SRGAP3: variants seen among roughly 807,000 people sequenced by gnomAD.
SRGAP3 encodes the protein SLIT-ROBO Rho GTPase-activating protein 3.
Under a neutral mutation model 121.1 loss-of-function variants are expected in SRGAP3, and 39 were observed. The ratio of observed to expected loss-of-function variants is 0.32; its 90% CI spans 0.25 to 0.42. The LOEUF is 0.42. SRGAP3 is among the 10% of genes least tolerant of loss of function. The pLI is 1.00. For synonymous variants in SRGAP3, 601 were observed against 570.0 expected, an observed-to-expected ratio of 1.05 and a Z score of -0.77; for missense variants, 1,213 against 1,470.6, an observed-to-expected ratio of 0.82 and a Z score of 2.86.
In SRGAP3 at chr3:8,982,856, G is replaced by T. The variant is rs540472436; in HGVS notation, c.*2663C>A. 4 of 221,562 alleles carry T rather than the reference G, an allele frequency of 1.8e-5. No homozygotes were observed. The highest frequency in any genetic ancestry group is 1.7e-4 in the Admixed American group (3 of 17,162). 13.7% of individuals were successfully genotyped at this position (221,562 alleles called of 1,614,324 possible). On this transcript the variant is annotated 3_prime_UTR_variant, in exon 22 of 22. Coordinates refer to ENST00000383836, the MANE Select transcript of SRGAP3 (RefSeq NM_014850.4). ...TTTCCCAATGGAAAAAAAAAAAAAAGGTGCTTAAAGAAAACAGCTAAGACT... is the reference window on the plus strand; with the variant it reads ...TTTCCCAATGGAAAAAAAAAAAAAATGTGCTTAAAGAAAACAGCTAAGACT...
At chr3:9,296,408 CA>C (rs1954955594) in intron 3 of SRGAP3, among the ~76,000 whole-genome samples, 1 of 152,206 alleles carries the variant, frequency 6.6e-6, no homozygotes, top group African/African-American at 2.4e-5. Flanking sequence ...AACATCTTTT[CA>C]TGTGCTTATT....
intron 2 of SRGAP3, among the ~76,000 whole-genome samples, chr3:9,112,127 C>T (rs1394091258): frequency 6.6e-6 from 1 of 152,154 alleles, no homozygotes; most frequent in African/African-American, 2.4e-5. Context: ...CGGAAAATTC[C>T]GCTTAGCAAA....
Position 8,985,198 on chromosome 3 carries a change from G to A in SRGAP3, c.*321C>T. The A allele has an allele frequency of 4.4e-6, 2 of 457,618 alleles. No homozygotes were observed. The highest frequency in any genetic ancestry group is 3.9e-5 in the East Asian group (1 of 25,564). 28.3% of individuals were successfully genotyped at this position (457,618 alleles called of 1,614,324 possible). Reference sequence around the variant, plus strand: ...CATATACGTATGTAGAGAGAATGTCGAGAGAGGAAGTTTCCAGTGACGATA... The same window carrying A: ...CATATACGTATGTAGAGAGAATGTCAAGAGAGGAAGTTTCCAGTGACGATA... On this transcript the variant is annotated 3_prime_UTR_variant, in exon 22 of 22. Transcript: ENST00000383836. This position sits in a 1 kb window ranked among gnomAD's most constrained non-coding sequence, Gnocchi z 5.1.
chr3:9,162,418 T>G (rs1455667359), intron 1 of SRGAP3, among the ~76,000 whole-genome samples: 1 of 151,934 alleles, frequency 6.6e-6, no homozygotes, highest in East Asian at 1.9e-4. Flanking sequence ...CCAAGATAAC[T>G]GCAAAGAATC....
At chr3:9,211,708 C>T (rs1952453082) in intron 1 of SRGAP3, among the ~76,000 whole-genome samples, 1 of 146,874 alleles carries the variant, frequency 6.8e-6, no homozygotes, top group Non-Finnish European at 1.5e-5. Flanking sequence ...TGCTCTGTCA[C>T]CCAGGCTGGA....
chr3:9,026,867 T>C, intron 13 of SRGAP3, 68 bp downstream of exon 13: 1 of 1,556,316 alleles, frequency 6.4e-7, no homozygotes, highest in Non-Finnish European at 8.9e-7. Flanking sequence ...AGAATCTCAT[T>C]TCCTATCAGA....
chr3:9,174,496 G>T (rs959538912), intron 1 of SRGAP3, among the ~76,000 whole-genome samples: 1 of 152,220 alleles, frequency 6.6e-6, no homozygotes, highest in African/African-American at 2.4e-5. Context: ...GCAGGAGACT[G>T]CGGGCAGAAT....
chr3:9,068,120 T>A (rs1052032243), intron 4 of SRGAP3, among the ~76,000 whole-genome samples: 4 of 152,178 alleles, frequency 2.6e-5, no homozygotes, highest in African/African-American at 9.7e-5. Context: ...CATCCCCGTC[T>A]GCGTTCAATG....
chr3:9,344,437 A>T (rs933475168), intron 1 of SRGAP3, among the ~76,000 whole-genome samples: 1 of 152,124 alleles, frequency 6.6e-6, no homozygotes, highest in African/African-American at 2.4e-5. Context: ...CCTGGGCAAC[A>T]GAGACTCCGT....
rs747256013 is a variant in SRGAP3 at position 9,248,802 on chromosome 3, C to T, written c.67+83G>A. The T allele has an allele frequency of 3.2e-5, 44 of 1,374,412 alleles. 1 individual carries two copies. Among genetic ancestry groups the T allele is most frequent in the Admixed American group, 1.5e-4 (9 of 58,824 alleles). The allele number at this position is 1,374,412 out of a possible 1,614,324, so 85.1% of individuals were successfully genotyped here. ...CATTTCATAATGGCAGAGAGGAAAA[C>T]GGGGGGCAGCGGGGGATGGGAACCA... is the stretch of plus-strand genomic sequence containing the variant. On this transcript the variant is annotated intron_variant, in intron 1 of 21. Transcript: ENST00000383836.
chr3:9,031,815 A>G (rs770748866), intron 12 of SRGAP3, among the ~76,000 whole-genome samples: 4 of 152,208 alleles, frequency 2.6e-5, no homozygotes, highest in Non-Finnish European at 5.9e-5. Flanking sequence ...TGTCTTCATT[A>G]GAAGGTAGTG....
At chr3:9,091,292 G>T (rs1947746659) in intron 3 of SRGAP3, among the ~76,000 whole-genome samples, 1 of 151,954 alleles carries the variant, frequency 6.6e-6, no homozygotes, top group Admixed American at 6.6e-5. Context: ...TTGAGTAGAT[G>T]TTCTCATGTT....
intron 1 of SRGAP3, among the ~76,000 whole-genome samples, chr3:9,224,529 A>G (rs1483918185): frequency 1.3e-5 from 2 of 152,186 alleles, no homozygotes; most frequent in African/African-American, 2.4e-5. Flanking sequence ...CCCAAGAAAT[A>G]CCGCCTTCCC....
In SRGAP3 at chr3:9,238,762, G is replaced by C. The variant is rs556527390; in HGVS notation, c.67+10123C>G. On this transcript the variant is annotated intron_variant, in intron 1 of 21. Coordinates refer to ENST00000383836, the MANE Select transcript of SRGAP3 (RefSeq NM_014850.4). ...CAAGTGTTGAGTGTGGCCAAGACAGGCCTGAGGCAAATATCCAGGGTCCCT... is the reference window on the plus strand; with the variant it reads ...CAAGTGTTGAGTGTGGCCAAGACAGCCCTGAGGCAAATATCCAGGGTCCCT... 9.9e-5 allele frequency among the ~76,000 whole-genome samples: 15 copies of C among 152,230 alleles called. No homozygotes were observed. The South Asian group carries it at 2.9e-3, about 29-fold the overall frequency.
intron 1 of SRGAP3, among the ~76,000 whole-genome samples, chr3:9,180,272 A>G (rs1172251985): frequency 6.6e-6 from 1 of 152,238 alleles, no homozygotes. Context: ...AACTTTTAGT[A>G]GGCAGACAGC....
intron 1 of SRGAP3, among the ~76,000 whole-genome samples, chr3:9,188,679 G>A (rs1211884017): frequency 2.0e-5 from 3 of 152,156 alleles, no homozygotes; most frequent in Non-Finnish European, 4.4e-5. Flanking sequence ...CCTCTCTTTG[G>A]TGCCATATCT....
intron 1 of SRGAP3, among the ~76,000 whole-genome samples, chr3:9,361,770 C>T (rs765612048): frequency 1.3e-5 from 2 of 152,166 alleles, no homozygotes; most frequent in Admixed American, 6.5e-5. Context: ...ATAGAACAAC[C>T]GACTAGCATT....
chr3:8,993,854 T>C (rs1052571856), intron 19 of SRGAP3: 4 of 172,938 alleles, frequency 2.3e-5, no homozygotes, highest in African/African-American at 7.2e-5. Flanking sequence ...TGCAGACTTT[T>C]TGTGGTAGGA....
At chr3:9,062,426 T>G (rs1946220749) in intron 5 of SRGAP3, among the ~76,000 whole-genome samples, 1 of 152,150 alleles carries the variant, frequency 6.6e-6, no homozygotes, top group Admixed American at 6.5e-5. Context: ...TTTTTATTTA[T>G]TTTTACTGTA....
Sources: gnomAD v4.1 joint callset for allele counts (sites outside exome capture counted in the v4.1 genomes callset) on GRCh38, gnomAD v4.1.1 for gene constraint, Gnocchi (gnomAD v3.1) non-coding constraint, MANE v1.5 for transcripts, NCBI Gene and HGNC (gene_info 2026-07-23, HGNC 2026-07-21) for gene names.